Variants in GPHN observed in about 807,000 individuals in gnomAD.
The protein encoded by GPHN is gephyrin.
Under a neutral mutation model 95.5 loss-of-function variants are expected in GPHN, and 17 were observed. That is an observed-to-expected ratio of 0.18 (90% CI 0.12 to 0.27). The LOEUF (loss-of-function observed/expected upper bound fraction) is 0.27, where lower values mean the gene tolerates loss of function less well. Ranked by LOEUF, GPHN falls within the 10% of genes least tolerant of loss-of-function variation. The pLI is 1.00. For synonymous variants in GPHN, 320 were observed against 322.5 expected (o/e 0.99, Z 0.08); for missense variants, 660 against 978.1 (o/e 0.67, Z 4.34).
At chr14:66,951,719 T>G (rs938855982) in intron 8 of GPHN, among the ~76,000 whole-genome samples, 1 of 152,160 alleles carries the variant, frequency 6.6e-6, no homozygotes, top group South Asian at 2.1e-4. Flanking sequence ...AGAATTAATA[T>G]TTAGACCAAT....
the GPHN span, among the ~76,000 whole-genome samples, chr14:67,420,796 C>T: frequency 3.3e-5 from 5 of 152,254 alleles, no homozygotes; most frequent in African/African-American, 1.2e-4. Flanking sequence ...GAAGGCAAAT[C>T]ATCTCTAATT....
chr14:67,343,003 T>A, the GPHN span, among the ~76,000 whole-genome samples: 1 of 152,222 alleles, frequency 6.6e-6, no homozygotes, highest in African/African-American at 2.4e-5. Context: ...AAGTTAAATA[T>A]TTAATGTACT....
intron 21 of GPHN, among the ~76,000 whole-genome samples, chr14:67,170,793 C>T (rs573594193): frequency 1.3e-5 from 2 of 152,302 alleles, no homozygotes; most frequent in African/African-American, 4.8e-5. Context: ...TCCAAATCAT[C>T]CCCACATCAG....
chr14:66,948,010 TC>T (rs1032006459), intron 8 of GPHN, among the ~76,000 whole-genome samples: 2 of 152,166 alleles, frequency 1.3e-5, no homozygotes, highest in Admixed American at 6.5e-5. Flanking sequence ...CATATTCTGT[TC>T]CTATATTAAG....
At chr14:67,144,741 C>G (rs571990044) in intron 18 of GPHN, among the ~76,000 whole-genome samples, 45 of 152,300 alleles carry the variant, frequency 3.0e-4, no homozygotes, top group Non-Finnish European at 6.3e-4. Flanking sequence ...GGACAGTGAA[C>G]TCTGTTGGCT....
the GPHN span, among the ~76,000 whole-genome samples, chr14:67,272,316 CTT>C: frequency 1.3e-5 from 2 of 152,182 alleles, no homozygotes; most frequent in African/African-American, 4.8e-5. Flanking sequence ...CACCTTTCAT[CTT>C]CCCACCTTTG....
At chr14:67,650,658 C>T in the GPHN span, 1 of 1,502,264 alleles carries the variant, frequency 6.7e-7, no homozygotes, top group African/African-American at 1.4e-5. Flanking sequence ...GTGGGATGAC[C>T]CTCACTGAGA....
the GPHN span, among the ~76,000 whole-genome samples, chr14:67,423,460 G>A: frequency 2.6e-4 from 40 of 152,124 alleles, no homozygotes; most frequent in Non-Finnish European, 4.4e-5. Context: ...ACAGAAGAGG[G>A]GGCTCTGAAG....
At chr14:66,827,683 G>A (rs189408583) in intron 4 of GPHN, among the ~76,000 whole-genome samples, 62 of 152,008 alleles carry the variant, frequency 4.1e-4, no homozygotes, top group South Asian at 2.3e-3. Flanking sequence ...GACAACTATA[G>A]CCTTTTACTT....
At chr14:67,409,611 C>T in the GPHN span, among the ~76,000 whole-genome samples, 1 of 152,168 alleles carries the variant, frequency 6.6e-6, no homozygotes, top group Admixed American at 6.5e-5. Flanking sequence ...ACTCCCCTGA[C>T]AGCCAGGCCC....
chr14:67,252,646 A>T, the GPHN span, among the ~76,000 whole-genome samples: 11 of 152,210 alleles, frequency 7.2e-5, no homozygotes, highest in African/African-American at 2.7e-4. Context: ...ATTGAATTGT[A>T]GGACACCCAG....
At chr14:66,532,301 G>T (rs1198131407) in intron 1 of GPHN, among the ~76,000 whole-genome samples, 2 of 152,190 alleles carry the variant, frequency 1.3e-5, no homozygotes, top group Non-Finnish European at 2.9e-5. Context: ...TTGTTGGCCA[G>T]GGCTTTGGTT....
the GPHN span, chr14:67,561,886 A>T: frequency 6.0e-5 from 67 of 1,108,218 alleles, no homozygotes; most frequent in Non-Finnish European, 8.6e-5. Context: ...AAAAAAAAAA[A>T]GAATTGAAAA....
chr14:67,258,773 A>G, the GPHN span, among the ~76,000 whole-genome samples: 4 of 151,992 alleles, frequency 2.6e-5, no homozygotes, highest in Non-Finnish European at 5.9e-5. Context: ...AATAGTTCTT[A>G]ATAAGTTATT....
At chr14:67,674,562 C>A in the GPHN span, 2 of 1,373,138 alleles carry the variant, frequency 1.5e-6, no homozygotes, top group Non-Finnish European at 1.9e-6. Context: ...GGCGGTCAGC[C>A]GCCCAGCCCA....
In GPHN at chr14:67,020,436, C is replaced by T. The variant is rs143757907; in HGVS notation, c.964-3197C>T. 3.7e-3 allele frequency among the ~76,000 whole-genome samples: 562 copies of T among 152,082 alleles called. 8 individuals are homozygous for T. Among genetic ancestry groups the T allele is most frequent in the Admixed American group, 0.019 (297 of 15,268 alleles). On this transcript the variant is annotated intron_variant, in intron 9 of 22. Coordinates refer to ENST00000478722, the MANE Select transcript of GPHN (RefSeq NM_020806.5). Reference sequence around the variant, plus strand: ...AGATTGTTGTTGTTTGTTAAAATTTCTTCGCTTTTTTTAAGGCATTTTCAC... The same window carrying T: ...AGATTGTTGTTGTTTGTTAAAATTTTTTCGCTTTTTTTAAGGCATTTTCAC...
chr14:67,364,707 AT>A, the GPHN span: 3,519 of 1,332,602 alleles, frequency 2.6e-3, no homozygotes, highest in South Asian at 4.4e-3. Flanking sequence ...GTGGAAATTG[AT>A]TTTTTTTTTA....
chr14:67,204,819 C>T, the GPHN span: 1 of 1,613,802 alleles, frequency 6.2e-7, no homozygotes, highest in Non-Finnish European at 8.5e-7. Flanking sequence ...TCACAGCCAT[C>T]CTGACCCCGT....
the GPHN span, among the ~76,000 whole-genome samples, chr14:67,541,101 T>C: frequency 6.6e-6 from 1 of 152,170 alleles, no homozygotes. Context: ...TATTCCAAAG[T>C]GGGATGGATG....
Sources: gnomAD v4.1 joint callset for allele counts (sites outside exome capture counted in the v4.1 genomes callset) on GRCh38, gnomAD v4.1.1 for gene constraint, MANE v1.5 for transcripts, NCBI Gene and HGNC (gene_info 2026-07-23, HGNC 2026-07-21) for gene names.